Variants in HIVEP1 observed in about 807,000 individuals in gnomAD.
HIVEP1 encodes HIVEP zinc finger 1.
In HIVEP1, 36 loss-of-function variants were observed where a neutral mutation model predicts 180.0. The observed-to-expected ratio is 0.20, with a 90% CI of 0.15 to 0.26. HIVEP1 has a LOEUF of 0.26. Among genes scored for constraint, HIVEP1 ranks in the 10% least tolerant of loss-of-function variants. HIVEP1 has a pLI of 1.00. For synonymous variants in HIVEP1, 1,239 were observed against 1,239.0 expected, an observed-to-expected ratio of 1.00 and a Z score of 0.00; for missense variants, 3,143 against 3,268.7, an observed-to-expected ratio of 0.96 and a Z score of 0.94.
chr6:12,022,064 A>G (rs767266829), intron 2 of HIVEP1, among the ~76,000 whole-genome samples: 1 of 152,206 alleles, frequency 6.6e-6, no homozygotes, highest in Non-Finnish European at 1.5e-5. Context: ...GCTTCTTCCA[A>G]TATTTGGTAG....
chr6:12,034,042 G>A (rs949722530), intron 2 of HIVEP1, among the ~76,000 whole-genome samples: 1 of 152,212 alleles, frequency 6.6e-6, no homozygotes, highest in Non-Finnish European at 1.5e-5. Context: ...AACTGCAGCC[G>A]TGTGCTGTCT....
chr6:12,200,062 G>T, the HIVEP1 span, among the ~76,000 whole-genome samples: 2 of 152,316 alleles, frequency 1.3e-5, no homozygotes, highest in South Asian at 2.1e-4. Flanking sequence ...GACTGCTGGA[G>T]AATTGAGTCA....
downstream of HIVEP1, among the ~76,000 whole-genome samples, chr6:12,168,131 C>T (rs758229667): frequency 0.077 from 5,516 of 71,926 alleles, 1,735 homozygotes; most frequent in East Asian, 0.31. Flanking sequence ...TACATATATA[C>T]GTGTATATCT....
At position 12,054,247 on chromosome 6, in the gene HIVEP1, T is replaced by C. The variant is rs372979702; in HGVS notation, c.41-34937T>C. Among the ~76,000 whole-genome samples, 6 of 152,346 alleles carry C rather than the reference T, an allele frequency of 3.9e-5. No individual in the cohort carries two copies. In the East Asian group the frequency reaches 1.2e-3, roughly 29 times the overall value. ...ACCAAGGTTTATGCTGTGGAAACTA[T>C]GGTATGAAAAACAGTATATAGTCTA... On this transcript the variant is annotated intron_variant, in intron 2 of 8. Coordinates refer to ENST00000379388, the MANE Select transcript of HIVEP1 (RefSeq NM_002114.4).
At chr6:12,173,001 A>T in the HIVEP1 span, among the ~76,000 whole-genome samples, 5 of 152,148 alleles carry the variant, frequency 3.3e-5, no homozygotes, top group African/African-American at 1.2e-4. Flanking sequence ...CTCACAACTG[A>T]TATAATAGGA....
chr6:12,183,469 A>AGAT, the HIVEP1 span, among the ~76,000 whole-genome samples: 1 of 152,174 alleles, frequency 6.6e-6, no homozygotes, highest in African/African-American at 2.4e-5. Flanking sequence ...GAGTTCTTGG[A>AGAT]GATATGTTCT....
chr6:12,140,085 A>G (rs1383224615), intron 7 of HIVEP1, among the ~76,000 whole-genome samples: 2 of 152,200 alleles, frequency 1.3e-5, no homozygotes, highest in Non-Finnish European at 2.9e-5. Context: ...ACCTCCCCGT[A>G]GGGGCCGACT....
At position 12,119,966 on chromosome 6, in the gene HIVEP1, T is replaced by A; in HGVS notation, c.171T>A (p.Asn57Lys). The A allele has an allele frequency of 1.9e-6, 3 of 1,610,816 alleles. No homozygotes were observed. Among genetic ancestry groups the A allele is most frequent in the Non-Finnish European group, 1.7e-6 (2 of 1,179,232 alleles). The stretch of plus-strand genomic sequence containing the variant: ...AACGCAAAAAGATCGTAGCTGAGAA[T>A]CACCTGAAAAAAATACCAAAATCCC... ...GVKRKKIVAE[N>K]HLKKIPKSPL... The change falls in exon 4 of 9, where the codon AAT (asparagine) becomes AAA (lysine). Residue 57 changes from asparagine (N) to lysine (K), a missense_variant. Asn to Lys is a moderately conservative substitution (Grantham distance 94). Coordinates refer to ENST00000379388, the MANE Select transcript of HIVEP1 (RefSeq NM_002114.4).
chr6:12,196,787 G>A, the HIVEP1 span, among the ~76,000 whole-genome samples: 1 of 152,142 alleles, frequency 6.6e-6, no homozygotes, highest in African/African-American at 2.4e-5. Flanking sequence ...TGCCTCACTC[G>A]ATCTCAAGCT....
chr6:12,019,697 T>C (rs542200451), intron 2 of HIVEP1, among the ~76,000 whole-genome samples: 10 of 152,330 alleles, frequency 6.6e-5, no homozygotes, highest in Admixed American at 3.3e-4. Flanking sequence ...CCTGATACTT[T>C]CTCAAATTAT....
At chr6:12,145,776 C>G (rs1759341271) in intron 7 of HIVEP1, among the ~76,000 whole-genome samples, 1 of 152,016 alleles carries the variant, frequency 6.6e-6, no homozygotes, top group Non-Finnish European at 1.5e-5. Context: ...CTATTTCTTC[C>G]AACTAGAAAA....
chr6:12,038,726 AACCACCACC>A (rs199620491), intron 2 of HIVEP1: 1 of 152,428 alleles, frequency 6.6e-6, no homozygotes, highest in African/African-American at 2.4e-5. Context: ...AACAACAAAG[AACCACCACC>A]ACCACCACCA....
chr6:12,096,549 G>A (rs569968764), intron 3 of HIVEP1, among the ~76,000 whole-genome samples: 2 of 151,376 alleles, frequency 1.3e-5, no homozygotes, highest in South Asian at 4.2e-4. Context: ...ATTTTACAAT[G>A]ATATTATTAA....
chr6:12,096,350 G>T (rs2113369014), intron 3 of HIVEP1, among the ~76,000 whole-genome samples: 1 of 151,926 alleles, frequency 6.6e-6, no homozygotes, highest in Admixed American at 6.5e-5. Flanking sequence ...GTTAACATAG[G>T]CATGATTTAT....
intron 7 of HIVEP1, among the ~76,000 whole-genome samples, chr6:12,151,153 C>T (rs1273913718): frequency 2.0e-5 from 3 of 152,176 alleles, no homozygotes; most frequent in African/African-American, 4.8e-5. Flanking sequence ...AAAAATGTTG[C>T]TACATCATAT....
In HIVEP1 at chr6:12,076,940, G is replaced by A. The variant is rs374589376; in HGVS notation, c.41-12244G>A. 3.9e-5 allele frequency among the ~76,000 whole-genome samples: 6 copies of A among 152,242 alleles called. No individual in the cohort carries two copies. In the East Asian group the frequency reaches 1.2e-3, roughly 29 times the overall value. ...TGAGAGAGGCCTTTTCAGAGTCTCT[G>A]TGATGTGAGCATAGATTACCTAGAG... On this transcript the variant is annotated intron_variant, in intron 2 of 8. Transcript: ENST00000379388.
chr6:12,028,075 C>T (rs767750092), intron 2 of HIVEP1, among the ~76,000 whole-genome samples: 30 of 152,276 alleles, frequency 2.0e-4, no homozygotes, highest in Middle Eastern at 3.4e-3. Context: ...TGAATTGGAT[C>T]GTTAACCTCT....
At chr6:12,204,433 T>G in the HIVEP1 span, among the ~76,000 whole-genome samples, 1 of 152,036 alleles carries the variant, frequency 6.6e-6, no homozygotes, top group Non-Finnish European at 1.5e-5. Flanking sequence ...ACGGAGTGCT[T>G]CTTATATCCC....
intron 6 of HIVEP1, among the ~76,000 whole-genome samples, chr6:12,133,751 G>A (rs868085301): frequency 3.3e-5 from 5 of 152,340 alleles, no homozygotes; most frequent in Middle Eastern, 3.4e-3. Context: ...GGGAGGCCAA[G>A]GCAGGCAGAT....
Sources: allele counts gnomAD v4.1 joint callset (sites outside exome capture counted in the v4.1 genomes callset), GRCh38; gene constraint gnomAD v4.1.1; transcripts MANE v1.5; gene names NCBI Gene and HGNC (gene_info 2026-07-23, HGNC 2026-07-21).